The following KAZN variants were observed in gnomAD, a reference collection of about 807,000 sequenced individuals.
KAZN encodes the protein kazrin.
Under a neutral mutation model 87.4 loss-of-function variants are expected in KAZN, and 40 were observed. That is an observed-to-expected ratio of 0.46 (90% CI 0.36 to 0.60). KAZN has a LOEUF of 0.60. Ranked by LOEUF, KAZN falls within the 20% of genes least tolerant of loss-of-function variation. The probability of loss-of-function intolerance (pLI) is 0.00; values close to 1 mark genes in which losing one functional copy is unlikely to be tolerated. For synonymous variants in KAZN, 466 were observed against 458.3 expected (o/e 1.02, Z -0.22); for missense variants, 898 against 1,073.9 (o/e 0.84, Z 2.29).
At chr1:14,543,252 G>A (rs1343022245) in intron 2 of KAZN, among the ~76,000 whole-genome samples, 2 of 152,178 alleles carry the variant, frequency 1.3e-5, no homozygotes, top group African/African-American at 2.4e-5. Flanking sequence ...TTCAAGATAC[G>A]TGGTTGGCTG....
intron 2 of KAZN, among the ~76,000 whole-genome samples, chr1:14,323,466 G>T (rs905844671): frequency 1.3e-5 from 2 of 152,052 alleles, no homozygotes; most frequent in Non-Finnish European, 2.9e-5. Flanking sequence ...ATGACAGTAA[G>T]CTCAAAGTCC....
intron 1 of KAZN, chr1:14,945,997 A>G: frequency 1.3e-6 from 1 of 765,078 alleles, no homozygotes; most frequent in East Asian, 1.3e-4. Context: ...ATCTGTCCTC[A>G]GGCATTGGCA....
chr1:13,929,489 A>G (rs977222837), intron 1 of KAZN, among the ~76,000 whole-genome samples: 8 of 152,152 alleles, frequency 5.3e-5, no homozygotes, highest in Non-Finnish European at 1.2e-4. Context: ...TCATTGCGAC[A>G]CCTTCTTTAT....
chr1:15,096,209 C>T lies in KAZN; in HGVS notation c.1547+1276C>T, dbSNP rs925542295. Among the ~76,000 whole-genome samples, 2 of 152,218 alleles carry T rather than the reference C, an allele frequency of 1.3e-5. No individual in the cohort carries two copies. The highest frequency in any genetic ancestry group is 6.5e-5 in the Admixed American group (1 of 15,286). ...CCACACCCAGCAGGGTCCATAAACA[C>T]TGCCTGTGTTCAATGAACAGGGTGG... On this transcript the variant is annotated intron_variant, in intron 10 of 14. Coordinates refer to ENST00000376030, the MANE Select transcript of KAZN (RefSeq NM_201628.3). This position sits in a 1 kb window ranked among gnomAD's most constrained non-coding sequence, Gnocchi z 4.5.
chr1:14,727,152 C>T, intron 1 of KAZN, among the ~76,000 whole-genome samples: 1 of 152,020 alleles, frequency 6.6e-6, no homozygotes, highest in African/African-American at 2.4e-5. Context: ...ATTGAATTTT[C>T]CCCGAAAAAG....
At chr1:14,765,880 T>C (rs187807827) in intron 1 of KAZN, among the ~76,000 whole-genome samples, 1 of 152,254 alleles carries the variant, frequency 6.6e-6, no homozygotes, top group East Asian at 1.9e-4. Context: ...GCAATCTGGG[T>C]GACCCGCTGA....
chr1:14,922,686 G>A (rs551052968), intron 1 of KAZN, among the ~76,000 whole-genome samples: 1 of 151,972 alleles, frequency 6.6e-6, no homozygotes, highest in Admixed American at 6.6e-5. Context: ...CAGCTACTCA[G>A]GAGGCTGAGG....
Position 14,220,697 on chromosome 1 carries a change from G to A in KAZN, c.249+40105G>A, listed in dbSNP as rs983086310. 5.9e-5 allele frequency among the ~76,000 whole-genome samples: 9 copies of A among 152,226 alleles called. No homozygotes were observed. In the South Asian group the frequency reaches 6.2e-4, roughly 11 times the overall value. On this transcript the variant is annotated intron_variant, in intron 2 of 16. Transcript: ENST00000636203. The stretch of plus-strand genomic sequence containing the variant: ...TATGAATATTAGAATTAATGCAGCC[G>A]TCAACACTATCTTACTAGCTTAACA...
chr1:14,262,011 T>A (rs1651063019), intron 2 of KAZN, among the ~76,000 whole-genome samples: 1 of 151,934 alleles, frequency 6.6e-6, no homozygotes, highest in Non-Finnish European at 1.5e-5. Context: ...ATTTTAATAG[T>A]CATGTATGTA....
chr1:14,827,424 T>G (rs952041762), intron 1 of KAZN, among the ~76,000 whole-genome samples: 6 of 152,182 alleles, frequency 3.9e-5, no homozygotes, highest in Non-Finnish European at 4.4e-5. Flanking sequence ...CCCTTTGCCC[T>G]GAGTCCCCAA....
intron 2 of KAZN, among the ~76,000 whole-genome samples, chr1:14,354,734 G>C (rs1158777990): frequency 2.7e-5 from 4 of 150,594 alleles, no homozygotes; most frequent in Non-Finnish European, 5.9e-5. Context: ...TGGATCAACT[G>C]GAACACCCAT....
At position 14,241,811 on chromosome 1, in the gene KAZN, A is replaced by C. The variant is rs74409677; in HGVS notation, c.249+61219A>C. 2.8e-3 allele frequency among the ~76,000 whole-genome samples: 426 copies of C among 152,342 alleles called. 3 individuals are homozygous for C. Among genetic ancestry groups the C allele is most frequent in the African/African-American group, 9.9e-3 (412 of 41,586 alleles). ...ATTGCTGACGTGTGTCAGAAAATAA[A>C]AGAAGTTGATTTTCATAATATCTGT... On this transcript the variant is annotated intron_variant, in intron 2 of 16. Transcript: ENST00000636203.
intron 2 of KAZN, among the ~76,000 whole-genome samples, chr1:14,573,128 C>T (rs1399575702): frequency 6.6e-6 from 1 of 150,970 alleles, no homozygotes; most frequent in Non-Finnish European, 1.5e-5. Flanking sequence ...CATTAAGTTC[C>T]TCCCTCCTAG....
chr1:14,445,269 G>A (rs948467885), intron 2 of KAZN, among the ~76,000 whole-genome samples: 14 of 151,988 alleles, frequency 9.2e-5, no homozygotes, highest in African/African-American at 2.2e-4. Context: ...CAGGTGATCC[G>A]CCCATCTCAG....
intron 1 of KAZN, among the ~76,000 whole-genome samples, chr1:13,925,105 G>A (rs1037924994): frequency 1.3e-5 from 2 of 152,108 alleles, no homozygotes; most frequent in African/African-American, 2.4e-5. Flanking sequence ...CACCCCGGGC[G>A]ACCACTCATC....
chr1:15,049,277 A>T (rs1230935657), intron 4 of KAZN, among the ~76,000 whole-genome samples: 1 of 152,210 alleles, frequency 6.6e-6, no homozygotes, highest in Non-Finnish European at 1.5e-5. Context: ...TGTCCCTGGG[A>T]GCCCGGCTCA....
chr1:14,813,231 C>A (rs1646464531), intron 1 of KAZN, among the ~76,000 whole-genome samples: 1 of 152,194 alleles, frequency 6.6e-6, no homozygotes, highest in African/African-American at 2.4e-5. Context: ...GATGTAGAAT[C>A]TAATCTGCCT....
chr1:14,906,477 G>A (rs1257112275), intron 1 of KAZN, among the ~76,000 whole-genome samples: 2 of 151,992 alleles, frequency 1.3e-5, no homozygotes, highest in South Asian at 2.1e-4. Flanking sequence ...CCTGGGAATC[G>A]AGCTGAGGTG....
At chr1:14,833,968 TTC>T (rs1647130666) in intron 1 of KAZN, among the ~76,000 whole-genome samples, 1 of 100,070 alleles carries the variant, frequency 1.0e-5, no homozygotes, top group African/African-American at 4.0e-5. Flanking sequence ...TCCCAAGTCA[TTC>T]ACACACACAC....
Sources: gnomAD v4.1 joint callset for allele counts (sites outside exome capture counted in the v4.1 genomes callset) on GRCh38, gnomAD v4.1.1 for gene constraint, Gnocchi (gnomAD v3.1) non-coding constraint, MANE v1.5 for transcripts, NCBI Gene and HGNC (gene_info 2026-07-23, HGNC 2026-07-21) for gene names.